MET: variants seen among roughly 807,000 people sequenced by gnomAD.
MET encodes hepatocyte growth factor receptor.
MET carries 48 observed loss-of-function variants against 133.1 expected under a neutral mutation model. The ratio of observed to expected loss-of-function variants is 0.36; its 90% CI spans 0.29 to 0.46. The LOEUF (loss-of-function observed/expected upper bound fraction) is 0.46, where lower values mean the gene tolerates loss of function less well. Among genes scored for constraint, MET ranks in the 20% least tolerant of loss-of-function variants. The pLI is 1.00. For synonymous variants in MET, 628 were observed against 616.5 expected (o/e 1.02, Z -0.28); for missense variants, 1,442 against 1,695.9 (o/e 0.85, Z 2.63).
At chr7:116,793,940 C>T (rs1795595569) in intron 19 of MET, among the ~76,000 whole-genome samples, 1 of 151,784 alleles carries the variant, frequency 6.6e-6, no homozygotes, top group Non-Finnish European at 1.5e-5. Context: ...TGTACTGTTA[C>T]TCCTGGCCCC....
intron 1 of MET, among the ~76,000 whole-genome samples, chr7:116,673,090 C>T (rs1253640290): frequency 6.6e-6 from 1 of 152,166 alleles, no homozygotes; most frequent in East Asian, 1.9e-4. Flanking sequence ...CGTACCTTAT[C>T]TCTTTCTGGG....
chr7:116,716,499 AAGAAAGAAAG>A (rs1562893465), intron 2 of MET, among the ~76,000 whole-genome samples: 1 of 150,852 alleles, frequency 6.6e-6, no homozygotes, highest in African/African-American at 2.4e-5. Context: ...GAAAGAAAGA[AAGAAAGAAAG>A]AAAGAAAGAA....
At position 116,757,481 on chromosome 7, in the gene MET, T is replaced by A. The variant is rs775011117; in HGVS notation, c.1907T>A (p.Met636Lys). 7.4e-6 allele frequency: 12 copies of A among 1,613,724 alleles called. No individual in the cohort carries two copies. Among genetic ancestry groups the A allele is most frequent in the Non-Finnish European group, 1.0e-5 (12 of 1,179,960 alleles). Residue 636 changes from methionine to lysine, a missense_variant, in exon 7 of 21, where the codon ATG becomes AAG. By Grantham distance (95) the Met-to-Lys change is moderately conservative. This residue lies in a region of MET where 762 missense variants were observed against 792.4 expected (regional missense o/e 0.96). Coordinates refer to ENST00000397752, the MANE Select transcript of MET (RefSeq NM_000245.4). ...VGPAMNKHFN[M>K]SIIISNGHGT... ...CCTGCCATGAATAAGCATTTCAATA[T>A]GTCCATAATTATTTCAAATGGCCAC...
rs561650983 is a variant in MET at position 116,781,790 on chromosome 7, C to T, written c.3523-198C>T. 5.9e-5 allele frequency among the ~76,000 whole-genome samples: 9 copies of T among 152,302 alleles called. No individual in the cohort carries two copies. In the South Asian group the frequency reaches 1.9e-3, roughly 32 times the overall value. ...ACAGGATCTCACTGTGTTGCCCAGG[C>T]TGATCTCAAACTCCTGGCCTCAAGC... On this transcript the variant is annotated intron_variant, in intron 17 of 20. Coordinates refer to ENST00000397752, the MANE Select transcript of MET (RefSeq NM_000245.4).
At chr7:116,789,665 G>A (rs1310643465) in intron 19 of MET, among the ~76,000 whole-genome samples, 1 of 152,136 alleles carries the variant, frequency 6.6e-6, no homozygotes, top group Admixed American at 6.5e-5. Context: ...CATGCAGTCA[G>A]TAGTCTTATG....
intron 19 of MET, among the ~76,000 whole-genome samples, chr7:116,788,981 T>C (rs1268491538): frequency 6.6e-6 from 1 of 152,244 alleles, no homozygotes; most frequent in African/African-American, 2.4e-5. Context: ...TTATACGTTG[T>C]TTCACACTTA....
intron 1 of MET, among the ~76,000 whole-genome samples, chr7:116,685,784 C>T (rs1335160840): frequency 6.6e-6 from 1 of 152,170 alleles, no homozygotes; most frequent in East Asian, 1.9e-4. Flanking sequence ...GTCTGCATGT[C>T]GGTAACTGGC....
At chr7:116,779,794 T>C (rs1404270987) in intron 17 of MET, among the ~76,000 whole-genome samples, 1 of 152,222 alleles carries the variant, frequency 6.6e-6, no homozygotes, top group Non-Finnish European at 1.5e-5. Context: ...ATTTTGGATT[T>C]TGGGGGTTGA....
At chr7:116,776,307 T>A (rs181042500) in intron 15 of MET, among the ~76,000 whole-genome samples, 1 of 152,276 alleles carries the variant, frequency 6.6e-6, no homozygotes, top group Non-Finnish European at 1.5e-5. Context: ...TCCCCAAGAG[T>A]GGCTTCACTG....
At chr7:116,690,053 T>G (rs146755153) in intron 1 of MET, among the ~76,000 whole-genome samples, 39 of 152,186 alleles carry the variant, frequency 2.6e-4, no homozygotes, top group African/African-American at 8.9e-4. Context: ...TATTTAAACT[T>G]TAGATGAGAG....
At chr7:116,721,819 T>C (rs992286735) in intron 2 of MET, among the ~76,000 whole-genome samples, 13 of 152,330 alleles carry the variant, frequency 8.5e-5, no homozygotes, top group African/African-American at 3.1e-4. Flanking sequence ...TAATCCTGAG[T>C]TCTAGTTTGA....
rs202110450 is a variant in MET, at chr7:116,778,843, T to A, written c.3408T>A (p.His1136Gln). The A allele has an allele frequency of 6.2e-7, 1 of 1,613,938 alleles. No individual in the cohort carries two copies. Among genetic ancestry groups the A allele is most frequent in the Admixed American group, 1.7e-5 (1 of 59,996 alleles). ...GAATCATCATGAAAGATTTTAGTCA[T>A]CCCAATGTCCTCTCGCTCCTGGGAA... ...TEGIIMKDFS[H>Q]PNVLSLLGIC... Residue 1136 changes from histidine (H) to glutamine (Q), a missense_variant, in exon 17 of 21, where the codon CAT becomes CAA. By Grantham distance (24) the His-to-Gln change is conservative (BLOSUM62 0). Coordinates refer to ENST00000397752, the MANE Select transcript of MET (RefSeq NM_000245.4).
chr7:116,718,140 G>A (rs1792318576), intron 2 of MET, among the ~76,000 whole-genome samples: 1 of 152,156 alleles, frequency 6.6e-6, no homozygotes, highest in East Asian at 1.9e-4. Context: ...TGTAATCCCA[G>A]CACTTTGGGA....
intron 2 of MET, among the ~76,000 whole-genome samples, chr7:116,726,305 T>C (rs186742019): frequency 6.7e-6 from 1 of 149,972 alleles, no homozygotes; most frequent in Non-Finnish European, 1.5e-5. Context: ...TAAACAACAA[T>C]TGTAAGTCAT....
intron 10 of MET, 197 bp downstream of exon 10, chr7:116,759,687 C>G (rs1427218909): frequency 1.6e-6 from 1 of 639,990 alleles, no homozygotes. Flanking sequence ...GGAAAAAATA[C>G]ATACACATAC....
At chr7:116,766,781 A>T (rs757781542) in intron 11 of MET, among the ~76,000 whole-genome samples, 7 of 152,188 alleles carry the variant, frequency 4.6e-5, no homozygotes, top group Non-Finnish European at 7.3e-5. Context: ...AGTATCTAAT[A>T]ATAAAGATAG....
At chr7:116,719,868 T>A (rs1231772512) in intron 2 of MET, among the ~76,000 whole-genome samples, 2 of 152,156 alleles carry the variant, frequency 1.3e-5, no homozygotes, top group East Asian at 3.9e-4. Flanking sequence ...TTGGTACCAG[T>A]ACCATGCTGT....
chr7:116,694,248 G>A (rs1796880294), intron 1 of MET, among the ~76,000 whole-genome samples: 1 of 152,102 alleles, frequency 6.6e-6, no homozygotes, highest in Non-Finnish European at 1.5e-5. Context: ...AAGGAAATGG[G>A]GCGTTTTTGG....
At chr7:116,768,105 A>G (rs1794698413) in intron 11 of MET, among the ~76,000 whole-genome samples, 1 of 151,950 alleles carries the variant, frequency 6.6e-6, no homozygotes, top group South Asian at 2.1e-4. Context: ...ATCTACATAT[A>G]AAATGAGACA....
Sources: allele counts gnomAD v4.1 joint callset (sites outside exome capture counted in the v4.1 genomes callset), GRCh38; gene constraint gnomAD v4.1.1; regional missense constraint gnomAD v4.1.1; transcripts MANE v1.5; gene names NCBI Gene and HGNC (gene_info 2026-07-23, HGNC 2026-07-21).